ARB2A: variants seen among roughly 807,000 people sequenced by gnomAD.
ARB2A encodes the protein ARB2 cotranscriptional regulator A, also known as cotranscriptional regulator ARB2A.
At chr5:93,794,210 T>C in the ARB2A span, among the ~76,000 whole-genome samples, 1 of 152,124 alleles carries the variant, frequency 6.6e-6, no homozygotes, top group Non-Finnish European at 1.5e-5. Flanking sequence ...TTTGATTCCA[T>C]TGCTGAGACT....
At chr5:94,103,755 T>C in the ARB2A span, among the ~76,000 whole-genome samples, 1 of 147,788 alleles carries the variant, frequency 6.8e-6, no homozygotes, top group African/African-American at 2.5e-5. Flanking sequence ...TACTGTAATA[T>C]TGACCACACA....
At chr5:93,895,373 A>G in the ARB2A span, among the ~76,000 whole-genome samples, 1 of 152,204 alleles carries the variant, frequency 6.6e-6, no homozygotes, top group Admixed American at 6.6e-5. Flanking sequence ...GAACTTGAAC[A>G]TTGAATTATA....
At chr5:93,750,344 ATAAC>A in the ARB2A span, among the ~76,000 whole-genome samples, 1 of 152,240 alleles carries the variant, frequency 6.6e-6, no homozygotes, top group African/African-American at 2.4e-5. Flanking sequence ...GCAAAAATAA[ATAAC>A]TGAGTGATTA....
chr5:93,826,310 A>G, the ARB2A span, among the ~76,000 whole-genome samples: 3 of 152,366 alleles, frequency 2.0e-5, no homozygotes, highest in Non-Finnish European at 4.4e-5. Flanking sequence ...GACAATGCAC[A>G]CAATCACATT....
the ARB2A span, among the ~76,000 whole-genome samples, chr5:93,960,004 A>G: frequency 6.6e-6 from 1 of 151,398 alleles, no homozygotes; most frequent in Admixed American, 6.6e-5. Flanking sequence ...ATATTGTGTA[A>G]CGTAATAGCT....
chr5:93,887,598 T>C, the ARB2A span, among the ~76,000 whole-genome samples: 1 of 151,774 alleles, frequency 6.6e-6, no homozygotes, highest in Non-Finnish European at 1.5e-5. Flanking sequence ...TAAGAGAGAT[T>C]ATCCCCCCTA....
the ARB2A span, among the ~76,000 whole-genome samples, chr5:94,071,036 T>A: frequency 2.8e-4 from 42 of 152,136 alleles, 1 homozygote; most frequent in East Asian, 7.5e-3. Flanking sequence ...GTCCTCCCCC[T>A]AGGTATCAAC....
chr5:94,060,785 C>G, the ARB2A span, among the ~76,000 whole-genome samples: 1 of 152,058 alleles, frequency 6.6e-6, no homozygotes, highest in Admixed American at 6.6e-5. Context: ...TCAAAACCAG[C>G]AATATATAAA....
At chr5:93,851,761 T>C in the ARB2A span, among the ~76,000 whole-genome samples, 4 of 152,176 alleles carry the variant, frequency 2.6e-5, no homozygotes, top group South Asian at 2.1e-4. Flanking sequence ...ATTTCATCCA[T>C]GTCCCTACAA....
At chr5:93,644,574 T>TGAGA in the ARB2A span, among the ~76,000 whole-genome samples, 1 of 152,200 alleles carries the variant, frequency 6.6e-6, no homozygotes, top group African/African-American at 2.4e-5. Flanking sequence ...ATTTCTTTAC[T>TGAGA]GAGAGGTCAC....
the ARB2A span, among the ~76,000 whole-genome samples, chr5:93,706,144 A>C: frequency 3.6e-3 from 544 of 152,342 alleles, 1 homozygote; most frequent in Non-Finnish European, 6.1e-3. Context: ...AAACAAGCCA[A>C]ATGTCTTTCA....
the ARB2A span, among the ~76,000 whole-genome samples, chr5:93,885,940 T>C: frequency 1.6e-4 from 25 of 151,850 alleles, no homozygotes; most frequent in Middle Eastern, 3.4e-3. Context: ...AATGATGGCT[T>C]AGGTCAGAGA....
the ARB2A span, among the ~76,000 whole-genome samples, chr5:93,922,606 AGGGAG>A: frequency 2.1e-4 from 17 of 81,964 alleles, 1 homozygote; most frequent in East Asian, 4.7e-4. Flanking sequence ...GGGGAGGGGA[AGGGAG>A]GGGAGGGGAG....
chr5:93,680,850 T>C, the ARB2A span, among the ~76,000 whole-genome samples: 6,748 of 152,262 alleles, frequency 0.044, 364 homozygotes, highest in Admixed American at 0.15. Flanking sequence ...CTCAGTACCT[T>C]TCTAATGAAG....
chr5:93,673,719 C>T, the ARB2A span, among the ~76,000 whole-genome samples: 10 of 152,242 alleles, frequency 6.6e-5, no homozygotes, highest in South Asian at 1.9e-3. Flanking sequence ...TATTTATAGA[C>T]TCTGTCTAGT....
chr5:93,789,769 A>T, the ARB2A span, among the ~76,000 whole-genome samples: 1 of 152,176 alleles, frequency 6.6e-6, no homozygotes, highest in South Asian at 2.1e-4. Context: ...TTTCCTGAAG[A>T]TTCTTTTGGA....
the ARB2A span, among the ~76,000 whole-genome samples, chr5:93,679,565 G>A: frequency 0.021 from 3,120 of 152,008 alleles, 52 homozygotes; most frequent in Non-Finnish European, 0.034. Context: ...CTACTCTAAA[G>A]GCATTTTCTT....
At chr5:93,818,963 G>A in the ARB2A span, among the ~76,000 whole-genome samples, 27 of 151,938 alleles carry the variant, frequency 1.8e-4, no homozygotes, top group Admixed American at 9.2e-4. Flanking sequence ...CGAGACGGGC[G>A]GATCACGAGG....
the ARB2A span, among the ~76,000 whole-genome samples, chr5:93,937,645 C>T: frequency 6.6e-6 from 1 of 151,660 alleles, no homozygotes; most frequent in Non-Finnish European, 1.5e-5. Flanking sequence ...CCCTCAATAT[C>T]CATGGGGTAT....
Sources: gnomAD v4.1 joint callset for allele counts (sites outside exome capture counted in the v4.1 genomes callset) on GRCh38, gnomAD v4.1.1 for gene constraint, MANE v1.5 for transcripts, NCBI Gene and HGNC (gene_info 2026-07-23, HGNC 2026-07-21) for gene names.